The following DLG5 variants were observed in gnomAD, a reference collection of about 807,000 sequenced individuals.
DLG5 encodes discs large MAGUK scaffold protein 5.
A neutral mutation model predicts 189.8 loss-of-function variants in DLG5; 48 were observed. The ratio of observed to expected loss-of-function variants is 0.25; its 90% CI spans 0.20 to 0.32. The LOEUF is 0.32. DLG5 is among the 10% of genes least tolerant of loss of function. The pLI, the probability that DLG5 is intolerant of heterozygous loss-of-function variation, is 1.00. For synonymous variants in DLG5, 1,016 were observed against 1,054.1 expected, an observed-to-expected ratio of 0.96 and a Z score of 0.70; for missense variants, 2,160 against 2,544.7, an observed-to-expected ratio of 0.85 and a Z score of 3.25.
chr10:77,922,694 A>C (rs1035337008), intron 1 of DLG5, among the ~76,000 whole-genome samples: 1 of 152,166 alleles, frequency 6.6e-6, no homozygotes, highest in Non-Finnish European at 1.5e-5. Context: ...ACCAAAGATC[A>C]TAAGACACCA....
At chr10:77,853,060 A>C (rs987617030) in intron 5 of DLG5, among the ~76,000 whole-genome samples, 1 of 152,106 alleles carries the variant, frequency 6.6e-6, no homozygotes, top group South Asian at 2.1e-4. Context: ...ATAGCTCACT[A>C]TAACCTCAGA....
intron 20 of DLG5, among the ~76,000 whole-genome samples, chr10:77,812,601 C>T (rs963103316): frequency 3.9e-5 from 6 of 152,196 alleles, no homozygotes; most frequent in African/African-American, 4.8e-5. Flanking sequence ...CACGCAGACA[C>T]GCAACCACCC....
At chr10:77,901,771 G>A (rs1296144062) in intron 1 of DLG5, among the ~76,000 whole-genome samples, 3 of 152,108 alleles carry the variant, frequency 2.0e-5, no homozygotes, top group South Asian at 4.1e-4. Context: ...AACAGCACCC[G>A]GCTCCAACGG....
At chr10:77,807,051 A>G in intron 25 of DLG5, 123 bp from the exon 26 acceptor site, 2 of 1,103,078 alleles carry the variant, frequency 1.8e-6, no homozygotes, top group South Asian at 3.2e-5. Flanking sequence ...AAACTTGATC[A>G]GGAATCGCCG....
chr10:77,850,362 A>G (rs1396814171), intron 5 of DLG5, among the ~76,000 whole-genome samples: 1 of 152,226 alleles, frequency 6.6e-6, no homozygotes, highest in Non-Finnish European at 1.5e-5. Flanking sequence ...TCCACACTAT[A>G]GCATGGATCA....
chr10:77,810,513 C>T (rs75153276), intron 23 of DLG5, among the ~76,000 whole-genome samples: 5,199 of 152,330 alleles, frequency 0.034, 149 homozygotes, highest in East Asian at 0.18. Flanking sequence ...CCAGGCTGGA[C>T]GCTGTGCAGC....
At chr10:77,822,678 A>AT (rs1270407426) in intron 14 of DLG5, among the ~76,000 whole-genome samples, 1 of 152,100 alleles carries the variant, frequency 6.6e-6, no homozygotes, top group East Asian at 1.9e-4. Context: ...TGTCTTGAAT[A>AT]TTTTTTTTAA....
intron 1 of DLG5, among the ~76,000 whole-genome samples, chr10:77,871,113 G>T (rs150700903): frequency 6.6e-6 from 1 of 152,226 alleles, no homozygotes; most frequent in Non-Finnish European, 1.5e-5. Flanking sequence ...GGGCTGAAGA[G>T]AATGACTGGG....
At chr10:77,849,189 G>A (rs1248681) in intron 5 of DLG5, among the ~76,000 whole-genome samples, 38,673 of 152,120 alleles carry the variant, frequency 0.25, 5,488 homozygotes, top group Admixed American at 0.39. Context: ...GCAGAGGGCC[G>A]GGAAGCCCCA....
At position 77,821,806 on chromosome 10, in the gene DLG5, C is replaced by T. The variant is rs758528456; in HGVS notation, c.2678G>A (p.Ser893Asn). ...CCCAGAGGCATCTGAGCGGAAGGAG[C>T]TCAGGCTACGCTCAGAGGCACTGGG... Reference protein sequence around the residue: ...ACPSASERSLSSFRSDASGDR... With the variant: ...ACPSASERSLNSFRSDASGDR... The change falls in exon 15 of 32, where the codon AGC (serine) becomes AAC (asparagine). Residue 893 changes from serine to asparagine, a missense_variant. Transcript: ENST00000372391. 8.7e-6 allele frequency: 14 copies of T among 1,612,668 alleles called. No individual in the cohort carries two copies. The highest frequency in any genetic ancestry group is 6.7e-5 in the Admixed American group (4 of 59,684).
chr10:77,895,909 A>C (rs1845744498), intron 1 of DLG5, among the ~76,000 whole-genome samples: 1 of 152,058 alleles, frequency 6.6e-6, no homozygotes, highest in Admixed American at 6.5e-5. Flanking sequence ...ACAGAGAAAA[A>C]CCAGTAGCAT....
At chr10:77,927,434 ACCT>A (rs1171026857), upstream of DLG5, 1 of 152,124 alleles carries the variant, frequency 6.6e-6, no homozygotes, top group Non-Finnish European at 1.5e-5. Context: ...CCAGATTAAG[ACCT>A]CCGCCGAATC....
intron 5 of DLG5, among the ~76,000 whole-genome samples, chr10:77,849,284 CCGGCA>C (rs1564545933): frequency 6.6e-6 from 1 of 152,374 alleles, no homozygotes; most frequent in East Asian, 1.9e-4. Flanking sequence ...TGGGAGGAAC[CCGGCA>C]ACAAAACTGC....
At chr10:77,900,457 C>G (rs1445723145) in intron 1 of DLG5, among the ~76,000 whole-genome samples, 1 of 152,184 alleles carries the variant, frequency 6.6e-6, no homozygotes, top group East Asian at 1.9e-4. Flanking sequence ...CAAGTTATCT[C>G]CTTCAGGAGA....
intron 5 of DLG5, among the ~76,000 whole-genome samples, chr10:77,844,550 C>T (rs967441833): frequency 2.6e-5 from 4 of 152,176 alleles, no homozygotes; most frequent in African/African-American, 9.7e-5. Flanking sequence ...AGGGTCCCCC[C>T]GCATCCCATG....
intron 1 of DLG5, among the ~76,000 whole-genome samples, chr10:77,902,215 T>C (rs908575770): frequency 2.6e-5 from 4 of 152,192 alleles, no homozygotes; most frequent in African/African-American, 9.6e-5. Context: ...CAGGTTCTGA[T>C]TCACAGACCT....
At chr10:77,859,426 C>A (rs1844385023) in intron 2 of DLG5, among the ~76,000 whole-genome samples, 1 of 152,218 alleles carries the variant, frequency 6.6e-6, no homozygotes, top group East Asian at 1.9e-4. Context: ...ACTTCAGGTC[C>A]TGCAAGCTCC....
chr10:77,890,212 CAA>C (rs1845565625), intron 1 of DLG5, among the ~76,000 whole-genome samples: 1 of 152,202 alleles, frequency 6.6e-6, no homozygotes, highest in Non-Finnish European at 1.5e-5. Flanking sequence ...AGCAGCTTCT[CAA>C]AGAGGGATGC....
At chr10:77,856,236 C>T (rs1844220545) in intron 3 of DLG5, among the ~76,000 whole-genome samples, 1 of 152,058 alleles carries the variant, frequency 6.6e-6, no homozygotes, top group Non-Finnish European at 1.5e-5. Context: ...CCTATAGTCC[C>T]AGCTACTTGG....
Sources: gnomAD v4.1 joint callset for allele counts (sites outside exome capture counted in the v4.1 genomes callset) on GRCh38, gnomAD v4.1.1 for gene constraint, MANE v1.5 for transcripts, NCBI Gene and HGNC (gene_info 2026-07-23, HGNC 2026-07-21) for gene names.